The following DAB1 variants were observed in gnomAD, a reference collection of about 807,000 sequenced individuals.
The protein encoded by DAB1 is DAB adaptor protein 1.
A neutral mutation model predicts 64.6 loss-of-function variants in DAB1; 15 were observed. The observed-to-expected ratio is 0.23, with a 90% CI of 0.16 to 0.36. The LOEUF (loss-of-function observed/expected upper bound fraction) is 0.36. DAB1 is among the 10% of genes least tolerant of loss of function. The pLI is 1.00. For missense variants in DAB1, 596 were observed against 706.7 expected, an observed-to-expected ratio of 0.84 and a Z score of 1.78; for synonymous variants, 235 against 251.9, an observed-to-expected ratio of 0.93 and a Z score of 0.64.
At chr1:57,339,472 G>A (rs943290823) in intron 1 of DAB1, among the ~76,000 whole-genome samples, 6 of 152,138 alleles carry the variant, frequency 3.9e-5, no homozygotes, top group Non-Finnish European at 7.4e-5. Flanking sequence ...TTCTTTAAAC[G>A]TTTAATACAT....
chr1:58,066,353 A>G (rs1648853756), intron 5 of DAB1, among the ~76,000 whole-genome samples: 1 of 152,224 alleles, frequency 6.6e-6, no homozygotes, highest in African/African-American at 2.4e-5. Flanking sequence ...GGTTGGGAAG[A>G]GAGATTGATT....
intron 7 of DAB1, among the ~76,000 whole-genome samples, chr1:57,574,982 G>T (rs573181434): frequency 6.6e-6 from 1 of 152,332 alleles, no homozygotes; most frequent in East Asian, 1.9e-4. Flanking sequence ...AGGAGGAGAT[G>T]AAATGAACTA....
chr1:57,609,383 T>C (rs1312455696), intron 7 of DAB1, among the ~76,000 whole-genome samples: 2 of 152,220 alleles, frequency 1.3e-5, no homozygotes, highest in African/African-American at 4.8e-5. Context: ...CTAGAGATAA[T>C]TTAAAAGATA....
At chr1:57,995,157 T>G (rs1646405474) in intron 5 of DAB1, among the ~76,000 whole-genome samples, 1 of 152,124 alleles carries the variant, frequency 6.6e-6, no homozygotes, top group African/African-American at 2.4e-5. Context: ...AGGTACATGA[T>G]TTCAGATGAG....
chr1:58,167,459 A>G (rs1655917579), intron 4 of DAB1, among the ~76,000 whole-genome samples: 1 of 152,142 alleles, frequency 6.6e-6, no homozygotes, highest in Non-Finnish European at 1.5e-5. Context: ...CTCTGTGTCT[A>G]GCTAAAGGAT....
rs140599187 is a variant in DAB1, at chr1:58,153,611, G to T, written n.310-3023C>A. ...AATTAGACCAAAAAAAGCTGAAGCT[G>T]AACCATTCAACCTAGAGCTGTAATG... is the stretch of plus-strand genomic sequence containing the variant. On this transcript the variant is annotated intron_variant and non_coding_transcript_variant, in intron 4 of 20. Transcript: ENST00000485760. 1.2e-4 allele frequency among the ~76,000 whole-genome samples: 18 copies of T among 152,154 alleles called. No homozygotes were observed. In the East Asian group the frequency reaches 3.5e-3, roughly 29 times the overall value.
intron 7 of DAB1, among the ~76,000 whole-genome samples, chr1:57,501,531 T>C (rs1173176721): frequency 1.3e-5 from 2 of 152,184 alleles, no homozygotes; most frequent in African/African-American, 2.4e-5. Context: ...CAGCAACAGA[T>C]GCCAGATATA....
chr1:57,738,522 G>A (rs1045194320), intron 6 of DAB1, among the ~76,000 whole-genome samples: 1 of 151,574 alleles, frequency 6.6e-6, no homozygotes, highest in Non-Finnish European at 1.5e-5. Context: ...ACACCCTACA[G>A]CCAACAACCT....
chr1:57,259,264 C>G (rs1669995549), intron 2 of DAB1, among the ~76,000 whole-genome samples: 1 of 152,100 alleles, frequency 6.6e-6, no homozygotes, highest in Non-Finnish European at 1.5e-5. Context: ...CAGGCACAGC[C>G]CTTGTCCTCA....
intron 4 of DAB1, among the ~76,000 whole-genome samples, chr1:58,329,057 A>AGT (rs1662912693): frequency 6.6e-6 from 1 of 152,340 alleles, no homozygotes; most frequent in East Asian, 1.9e-4. Flanking sequence ...TCTATTAATC[A>AGT]GTGACCAACT....
chr1:58,310,623 G>A (rs1924564), intron 4 of DAB1, among the ~76,000 whole-genome samples: 1,940 of 152,158 alleles, frequency 0.013, 47 homozygotes, highest in African/African-American at 0.041. Context: ...GGTGTCCTGT[G>A]CACACAGACT....
At chr1:58,063,014 G>A (rs59658469) in intron 5 of DAB1, among the ~76,000 whole-genome samples, 6,744 of 152,208 alleles carry the variant, frequency 0.044, 484 homozygotes, top group African/African-American at 0.15. Flanking sequence ...TACTGATTGA[G>A]GGATTACCAT....
intron 6 of DAB1, among the ~76,000 whole-genome samples, chr1:57,717,759 T>C (rs182947438): frequency 5.8e-4 from 89 of 152,248 alleles, no homozygotes; most frequent in African/African-American, 2.1e-3. Flanking sequence ...TATATATACA[T>C]ACACACTATG....
intron 7 of DAB1, among the ~76,000 whole-genome samples, chr1:57,462,930 G>C (rs1686833533): frequency 6.6e-6 from 1 of 152,062 alleles, no homozygotes; most frequent in Non-Finnish European, 1.5e-5. Context: ...GCTCTTTGAA[G>C]GAGGTAAAAC....
At chr1:58,106,276 C>T (rs921140357) in intron 5 of DAB1, among the ~76,000 whole-genome samples, 12 of 151,818 alleles carry the variant, frequency 7.9e-5, no homozygotes, top group South Asian at 4.2e-4. Flanking sequence ...TTCCTGGATT[C>T]GGGTAATCCT....
At chr1:58,367,227 G>T (rs1569690591) in intron 3 of DAB1, among the ~76,000 whole-genome samples, 1 of 152,288 alleles carries the variant, frequency 6.6e-6, no homozygotes, top group South Asian at 2.1e-4. Flanking sequence ...TCAAGAGTGG[G>T]TCAACTTCAC....
chr1:58,422,291 T>A (rs1324862152), intron 3 of DAB1, among the ~76,000 whole-genome samples: 2 of 151,860 alleles, frequency 1.3e-5, no homozygotes, highest in Non-Finnish European at 2.9e-5. Context: ...TAGTAAGCAC[T>A]CCATGTTATC....
At chr1:58,514,716 G>A (rs2100435946) in intron 2 of DAB1, among the ~76,000 whole-genome samples, 1 of 152,230 alleles carries the variant, frequency 6.6e-6, no homozygotes, top group Middle Eastern at 3.4e-3. Context: ...AATACACTGA[G>A]GCTGTTATAA....
intron 8 of DAB1, among the ~76,000 whole-genome samples, chr1:57,067,743 G>T (rs1356343464): frequency 2.6e-5 from 4 of 151,644 alleles, no homozygotes; most frequent in East Asian, 3.9e-4. Context: ...GAAGCCCAGA[G>T]GAAAAAAAAA....
Sources: allele counts gnomAD v4.1 joint callset (sites outside exome capture counted in the v4.1 genomes callset), GRCh38; gene constraint gnomAD v4.1.1; transcripts MANE v1.5; gene names NCBI Gene and HGNC (gene_info 2026-07-23, HGNC 2026-07-21).